The following HOMER1 variants were observed in gnomAD, a reference collection of about 807,000 sequenced individuals.
The protein encoded by HOMER1 is homer scaffold protein 1, also known as homer protein homolog 1.
HOMER1 carries 3 observed loss-of-function variants against 48.9 expected under a neutral mutation model. The ratio of observed to expected loss-of-function variants is 0.06; its 90% CI spans 0.03 to 0.16. HOMER1 has a LOEUF of 0.16. HOMER1 is among the 10% of genes least tolerant of loss of function. The pLI, the probability that HOMER1 is intolerant of heterozygous loss-of-function variation, is 1.00. For missense variants in HOMER1, 247 were observed against 411.4 expected (o/e 0.60, Z 3.46); for synonymous variants, 134 against 146.4 (o/e 0.92, Z 0.61).
chr5:79,487,053 G>A (rs1752125309), intron 1 of HOMER1, among the ~76,000 whole-genome samples: 1 of 152,126 alleles, frequency 6.6e-6, no homozygotes, highest in Admixed American at 6.6e-5. Flanking sequence ...GGCTGAGGTG[G>A]GAGGATCACA....
intron 1 of HOMER1, among the ~76,000 whole-genome samples, chr5:79,469,774 C>T (rs536907307): frequency 1.2e-4 from 19 of 152,122 alleles, no homozygotes; most frequent in African/African-American, 3.9e-4. Context: ...ACATTGGACA[C>T]AAGCTACCTC....
At chr5:79,456,035 A>G (rs1301052796) in intron 2 of HOMER1, among the ~76,000 whole-genome samples, 1 of 151,862 alleles carries the variant, frequency 6.6e-6, no homozygotes, top group African/African-American at 2.4e-5. Context: ...CACGCCTGTA[A>G]TACCAGCTAC....
chr5:79,414,880 A>G (rs763646964), intron 5 of HOMER1, among the ~76,000 whole-genome samples: 4 of 152,194 alleles, frequency 2.6e-5, no homozygotes, highest in Non-Finnish European at 5.9e-5. Flanking sequence ...CTATAGGTAA[A>G]CAGATTGAGA....
chr5:79,495,338 C>A (rs1752392120), intron 1 of HOMER1, among the ~76,000 whole-genome samples: 2 of 152,114 alleles, frequency 1.3e-5, no homozygotes, highest in Admixed American at 1.3e-4. Flanking sequence ...CCCTAACAAC[C>A]ACTCATACAT....
At chr5:79,397,687 T>C (rs1428927475) in intron 6 of HOMER1, 50 bp from the exon 7 acceptor site, 2 of 1,094,426 alleles carry the variant, frequency 1.8e-6, no homozygotes, top group African/African-American at 1.6e-5. Flanking sequence ...CTTTAAAGAG[T>C]TTCTTGCTAA....
intron 5 of HOMER1, among the ~76,000 whole-genome samples, chr5:79,408,855 A>T (rs1179337800): frequency 6.6e-6 from 1 of 151,098 alleles, no homozygotes; most frequent in Non-Finnish European, 1.5e-5. Context: ...GGCCAACATG[A>T]GTGAATCACT....
chr5:79,504,899 A>G (rs1397593116), intron 1 of HOMER1, among the ~76,000 whole-genome samples: 1 of 152,234 alleles, frequency 6.6e-6, no homozygotes, highest in East Asian at 1.9e-4. Flanking sequence ...GTACTGCACT[A>G]TGAACTTGTG....
intron 1 of HOMER1, among the ~76,000 whole-genome samples, chr5:79,500,524 C>T (rs185740566): frequency 2.7e-4 from 41 of 152,280 alleles, no homozygotes; most frequent in Middle Eastern, 3.4e-3. Context: ...TCACCACAGA[C>T]GGCAAAACCA....
intron 5 of HOMER1, among the ~76,000 whole-genome samples, chr5:79,415,522 A>G (rs1488746989): frequency 6.6e-6 from 1 of 152,196 alleles, no homozygotes; most frequent in Non-Finnish European, 1.5e-5. Context: ...CATATATTAC[A>G]TGTGTACAAA....
intron 5 of HOMER1, among the ~76,000 whole-genome samples, chr5:79,431,890 A>T (rs1750436763): frequency 6.6e-6 from 1 of 152,200 alleles, no homozygotes. Flanking sequence ...AATCTTATGT[A>T]TTATCCCCAT....
intron 1 of HOMER1, among the ~76,000 whole-genome samples, chr5:79,460,359 CAGAGG>C (rs1318620517): frequency 6.6e-6 from 1 of 152,080 alleles, no homozygotes; most frequent in East Asian, 1.9e-4. Flanking sequence ...GGGTGGGAGG[CAGAGG>C]TTGCAGTAAG....
intron 1 of HOMER1, among the ~76,000 whole-genome samples, chr5:79,486,232 G>A (rs1159472786): frequency 1.3e-5 from 2 of 152,186 alleles, no homozygotes; most frequent in African/African-American, 4.8e-5. Context: ...GAACAGAGAT[G>A]AGCTCTCTCT....
Position 79,375,604 on chromosome 5 carries a change from C to A in HOMER1, c.*405G>T, listed in dbSNP as rs965327055. On this transcript the variant is annotated 3_prime_UTR_variant, in exon 9 of 9. Coordinates refer to ENST00000334082, the MANE Select transcript of HOMER1 (RefSeq NM_004272.5). ...CTAAGTTTTTGCACAAAACACAGCT[C>A]TAGATATCGTAAATAAATTAATTTA... 6.5e-6 allele frequency: 1 copy of A among 153,202 alleles called. No homozygotes were observed. Among genetic ancestry groups the A allele is most frequent in the African/African-American group, 2.4e-5 (1 of 41,436 alleles). 9.5% of individuals were successfully genotyped at this position (153,202 alleles called of 1,614,324 possible).
intron 1 of HOMER1, among the ~76,000 whole-genome samples, chr5:79,469,022 A>G (rs1020252405): frequency 1.3e-5 from 2 of 152,208 alleles, no homozygotes; most frequent in African/African-American, 4.8e-5. Flanking sequence ...AAAAAGACAG[A>G]ATCTAAAATT....
intron 1 of HOMER1, among the ~76,000 whole-genome samples, chr5:79,503,022 C>A (rs376193830): frequency 1.6e-4 from 25 of 151,876 alleles, no homozygotes; most frequent in Non-Finnish European, 3.1e-4. Flanking sequence ...GATCTGACCT[C>A]GTGATCTGCC....
At chr5:79,453,217 T>C (rs2112297150) in intron 2 of HOMER1, among the ~76,000 whole-genome samples, 1 of 139,796 alleles carries the variant, frequency 7.2e-6, no homozygotes, top group Admixed American at 7.1e-5. Context: ...AGGCACTGCC[T>C]TAGATTTGCT....
At chr5:79,455,106 AT>A (rs148460046) in intron 2 of HOMER1, among the ~76,000 whole-genome samples, 484 of 146,004 alleles carry the variant, frequency 3.3e-3, no homozygotes, top group African/African-American at 9.0e-3. Flanking sequence ...CACCTAGCTA[AT>A]TTTTTTTTTT....
At chr5:79,426,226 A>C (rs1750247030) in intron 5 of HOMER1, among the ~76,000 whole-genome samples, 1 of 152,086 alleles carries the variant, frequency 6.6e-6, no homozygotes. Context: ...TCCTTAAAAG[A>C]CTAAAAATAG....
intron 8 of HOMER1, among the ~76,000 whole-genome samples, chr5:79,392,205 T>C (rs886795663): frequency 1.3e-5 from 2 of 152,234 alleles, no homozygotes; most frequent in Non-Finnish European, 2.9e-5. Flanking sequence ...CTCCTTCTAC[T>C]TATTTAAAAA....
Sources: gnomAD v4.1 joint callset for allele counts (sites outside exome capture counted in the v4.1 genomes callset) on GRCh38, gnomAD v4.1.1 for gene constraint, MANE v1.5 for transcripts, NCBI Gene and HGNC (gene_info 2026-07-23, HGNC 2026-07-21) for gene names.